Variants in SH2D4B observed in about 807,000 individuals in gnomAD.
SH2D4B encodes the protein SH2 domain-containing protein 4B.
In SH2D4B, 45 loss-of-function variants were observed where a neutral mutation model predicts 61.5. That is an observed-to-expected ratio of 0.73 (90% confidence interval 0.58 to 0.94). The LOEUF (loss-of-function observed/expected upper bound fraction) is 0.94, where lower values mean the gene tolerates loss of function less well. Among genes scored for constraint, SH2D4B ranks in the 40% least tolerant of loss-of-function variants. SH2D4B has a pLI of 0.00. For synonymous variants in SH2D4B, 224 were observed against 220.4 expected, an observed-to-expected ratio of 1.02 and a Z score of -0.14; for missense variants, 572 against 574.2, an observed-to-expected ratio of 1.00 and a Z score of 0.04.
intron 1 of SH2D4B, among the ~76,000 whole-genome samples, chr10:80,566,090 C>CAAAAAAAAAAAAAAAAA (rs60774703): frequency 4.2e-5 from 1 of 23,806 alleles, no homozygotes; most frequent in African/African-American, 1.7e-4. Flanking sequence ...GACTCCGGCT[C>CAAAAAAAAAAAAAAAAA]AAAAAAAAAA....
chr10:80,551,407 A>G (rs910658240), intron 1 of SH2D4B, among the ~76,000 whole-genome samples: 1 of 152,160 alleles, frequency 6.6e-6, no homozygotes, highest in Non-Finnish European at 1.5e-5. Flanking sequence ...TTAAAAAAAG[A>G]ATGAAACTGG....
At chr10:80,561,178 G>GT (rs1401378559) in intron 1 of SH2D4B, among the ~76,000 whole-genome samples, 1 of 152,170 alleles carries the variant, frequency 6.6e-6, no homozygotes, top group African/African-American at 2.4e-5. Flanking sequence ...AGCTATATAT[G>GT]TTTTTTCAGA....
intron 1 of SH2D4B, among the ~76,000 whole-genome samples, chr10:80,559,147 C>G (rs781439665): frequency 9.3e-4 from 142 of 152,060 alleles, no homozygotes; most frequent in Non-Finnish European, 1.6e-3. Context: ...TGTATTTATA[C>G]TATATATGCT....
intron 3 of SH2D4B, among the ~76,000 whole-genome samples, chr10:80,587,030 C>T (rs1842262286): frequency 6.6e-6 from 1 of 151,954 alleles, no homozygotes; most frequent in African/African-American, 2.4e-5. Context: ...AAGGAACAAA[C>T]TCCGGATATG....
chr10:80,558,779 A>G (rs1205080610), intron 1 of SH2D4B, among the ~76,000 whole-genome samples: 2 of 152,236 alleles, frequency 1.3e-5, no homozygotes, highest in African/African-American at 4.8e-5. Context: ...TGCTAGGATT[A>G]CAGGTGTGAG....
At chr10:80,594,741 A>G (rs1842367983) in intron 4 of SH2D4B, among the ~76,000 whole-genome samples, 1 of 152,310 alleles carries the variant, frequency 6.6e-6, no homozygotes, top group African/African-American at 2.4e-5. Flanking sequence ...AATCTGAGAA[A>G]GTTGGCTCTG....
intron 3 of SH2D4B, among the ~76,000 whole-genome samples, chr10:80,580,711 AGGCATTT>A (rs777678782): frequency 3.3e-5 from 5 of 152,160 alleles, no homozygotes; most frequent in Non-Finnish European, 5.9e-5. Context: ...TTTCTAGAAA[AGGCATTT>A]GTCTTGATGA....
chr10:80,546,925 C>A (rs1841688462), intron 1 of SH2D4B, among the ~76,000 whole-genome samples: 1 of 152,140 alleles, frequency 6.6e-6, no homozygotes, highest in Non-Finnish European at 1.5e-5. Flanking sequence ...AAACATAAGC[C>A]TATTTTTATA....
At chr10:80,604,791 GT>G (rs34202612) in intron 5 of SH2D4B, among the ~76,000 whole-genome samples, 6 of 148,264 alleles carry the variant, frequency 4.0e-5, no homozygotes, top group East Asian at 2.0e-4. Context: ...ACTGTTCTTA[GT>G]TTTTTTTTTT....
At position 80,587,161 on chromosome 10, in the gene SH2D4B, T is replaced by G. The variant is rs549607518; in HGVS notation, c.496-1469T>G. 4.2e-5 allele frequency among the ~76,000 whole-genome samples: 5 copies of G among 120,108 alleles called. No homozygotes were observed. In the South Asian group the frequency reaches 1.2e-3, roughly 30 times the overall value. The allele number at this position is 120,108 out of a possible 152,430, so 78.8% of individuals were successfully genotyped here. A position where few individuals can be genotyped will look rare whatever the true frequency, so the allele number is the denominator to read the frequency against. On this transcript the variant is annotated intron_variant, in intron 3 of 7. Coordinates refer to ENST00000646907, the MANE Select transcript of SH2D4B (RefSeq NM_001388272.1). ...TTTTTTTTTTGTTTTGTTTTTTTTT[T>G]TTTTTTTGGAGACGCCCAGGCTGGA...
At chr10:80,541,689 G>A (rs1027955318) in intron 1 of SH2D4B, among the ~76,000 whole-genome samples, 7 of 152,218 alleles carry the variant, frequency 4.6e-5, no homozygotes, top group Non-Finnish European at 8.8e-5. Flanking sequence ...AGGCAGGCAG[G>A]ACAAGGTGTG....
At chr10:80,641,570 A>T (rs1439240070) in intron 7 of SH2D4B, among the ~76,000 whole-genome samples, 1 of 152,256 alleles carries the variant, frequency 6.6e-6, no homozygotes, top group Admixed American at 6.5e-5. Flanking sequence ...TTTCATGGTT[A>T]GGACCAAGAG....
chr10:80,597,939 G>T (rs34515119), intron 4 of SH2D4B, among the ~76,000 whole-genome samples: 19,817 of 152,158 alleles, frequency 0.13, 1,688 homozygotes, highest in African/African-American at 0.23. Context: ...GATAAGATGA[G>T]AAAGAGTTTA....
At chr10:80,585,366 G>T (rs1274480016) in intron 3 of SH2D4B, among the ~76,000 whole-genome samples, 2 of 149,932 alleles carry the variant, frequency 1.3e-5, no homozygotes, top group Non-Finnish European at 2.9e-5. Flanking sequence ...CCAGTCTAGA[G>T]TGCAATGGCG....
chr10:80,562,894 C>CT (rs34539206), intron 1 of SH2D4B, among the ~76,000 whole-genome samples: 2,635 of 74,610 alleles, frequency 0.035, 76 homozygotes, highest in African/African-American at 0.052. Context: ...AACATTTTTT[C>CT]TTTTTTTTTT....
chr10:80,633,696 A>G (rs1164411606), intron 6 of SH2D4B, among the ~76,000 whole-genome samples: 1 of 152,238 alleles, frequency 6.6e-6, no homozygotes, highest in Non-Finnish European at 1.5e-5. Context: ...GTAGGAGTGC[A>G]AGTCCTTAGA....
At chr10:80,560,446 C>T (rs866233495) in intron 1 of SH2D4B, among the ~76,000 whole-genome samples, 2 of 151,310 alleles carry the variant, frequency 1.3e-5, no homozygotes, top group Non-Finnish European at 2.9e-5. Flanking sequence ...TAGCTCACTG[C>T]AGCCTTGAAC....
chr10:80,575,925 T>C (rs1842120133), intron 3 of SH2D4B, among the ~76,000 whole-genome samples: 1 of 152,252 alleles, frequency 6.6e-6, no homozygotes, highest in Non-Finnish European at 1.5e-5. Context: ...ACTTAGTTTA[T>C]GTTGCTGGGT....
intron 1 of SH2D4B, among the ~76,000 whole-genome samples, chr10:80,549,203 T>TA (rs59438371): frequency 3.3e-5 from 4 of 120,228 alleles, no homozygotes; most frequent in South Asian, 2.7e-4. Context: ...TGGGACTTGA[T>TA]TGTGTGTGTG....
Sources: allele counts gnomAD v4.1 joint callset (sites outside exome capture counted in the v4.1 genomes callset), GRCh38; gene constraint gnomAD v4.1.1; transcripts MANE v1.5; gene names NCBI Gene and HGNC (gene_info 2026-07-23, HGNC 2026-07-21).